Variants in MAP3K5 observed in about 807,000 individuals in gnomAD.
MAP3K5 encodes the protein ASK-1.
In MAP3K5, 56 loss-of-function variants were observed where a neutral mutation model predicts 158.7. That is an observed-to-expected ratio of 0.35 (90% confidence interval 0.28 to 0.44). MAP3K5 has a LOEUF of 0.44. Ranked by LOEUF, MAP3K5 falls within the 20% of genes least tolerant of loss-of-function variation. MAP3K5 has a pLI of 1.00. For missense variants in MAP3K5, 1,294 were observed against 1,674.8 expected, an observed-to-expected ratio of 0.77 and a Z score of 3.97; for synonymous variants, 579 against 601.7, an observed-to-expected ratio of 0.96 and a Z score of 0.55.
chr6:136,694,295 A>G lies in MAP3K5; in HGVS notation c.1098T>C (p.Gly366=). Residue 366 remains glycine, a synonymous_variant, in exon 7 of 30, where the codon GGT becomes GGC. Transcript: ENST00000359015. ...TAATATCAAGAGCTTTTGCTCTGTC[A>G]CCAGGGAGATTTCTCCTAAGGCAGA... ...AFALNRRNLP[G]DRAKALDIMI... is the part of the protein sequence containing the mutation. 1 of 1,611,160 alleles carries G rather than the reference A, an allele frequency of 6.2e-7. No homozygotes were observed. Among genetic ancestry groups the G allele is most frequent in the South Asian group, 1.1e-5 (1 of 90,920 alleles).
chr6:136,705,406 C>A (rs1781029361), intron 2 of MAP3K5, among the ~76,000 whole-genome samples: 1 of 152,110 alleles, frequency 6.6e-6, no homozygotes, highest in African/African-American at 2.4e-5. Flanking sequence ...GTGATCCTCC[C>A]ACCTCAGCCT....
intron 3 of MAP3K5, among the ~76,000 whole-genome samples, chr6:136,699,082 C>A (rs1045168141): frequency 1.3e-5 from 2 of 152,090 alleles, no homozygotes; most frequent in Non-Finnish European, 2.9e-5. Flanking sequence ...GAAGGGCTTC[C>A]TACATGTAAG....
intron 14 of MAP3K5, among the ~76,000 whole-genome samples, chr6:136,629,661 A>G (rs1298503246): frequency 1.2e-4 from 19 of 152,002 alleles, no homozygotes; most frequent in Non-Finnish European, 5.9e-5. Context: ...TCACCTTGTT[A>G]GCCAGGATGG....
intron 15 of MAP3K5, among the ~76,000 whole-genome samples, chr6:136,618,252 C>T (rs1048627227): frequency 6.6e-5 from 10 of 152,196 alleles, no homozygotes; most frequent in African/African-American, 1.7e-4. Flanking sequence ...TTCAACAGAA[C>T]GTCCACACCC....
At chr6:136,626,235 A>AG (rs1777031885) in intron 14 of MAP3K5, among the ~76,000 whole-genome samples, 2 of 152,158 alleles carry the variant, frequency 1.3e-5, no homozygotes, top group South Asian at 4.1e-4. Flanking sequence ...CTTCTGGGGA[A>AG]AATTATGCCT....
At chr6:136,761,043 T>A (rs1412468759) in intron 1 of MAP3K5, among the ~76,000 whole-genome samples, 1 of 151,906 alleles carries the variant, frequency 6.6e-6, no homozygotes, top group South Asian at 2.1e-4. Context: ...TTTTGCCCCA[T>A]GCGATAACAG....
chr6:136,739,279 G>A (rs1426235478), intron 1 of MAP3K5, among the ~76,000 whole-genome samples: 1 of 152,120 alleles, frequency 6.6e-6, no homozygotes, highest in Non-Finnish European at 1.5e-5. Flanking sequence ...GTAGCTGGCT[G>A]GTGTCAGAAT....
In MAP3K5 at chr6:136,675,545, T is replaced by C. The variant is rs1304837934; in HGVS notation, c.1254-6150A>G. 4.6e-5 allele frequency among the ~76,000 whole-genome samples: 7 copies of C among 152,242 alleles called. No homozygotes were observed. The East Asian group carries it at 5.8e-4, about 13-fold the overall frequency. ...AACCCAAAGGTCAAAGAAGAAATCA[T>C]ACTGAAAATTAGAAGGTATTTAAAC... is the stretch of plus-strand genomic sequence containing the variant. On this transcript the variant is annotated intron_variant, in intron 7 of 29. Coordinates refer to ENST00000359015, the MANE Select transcript of MAP3K5 (RefSeq NM_005923.4).
intron 1 of MAP3K5, among the ~76,000 whole-genome samples, chr6:136,741,396 T>A (rs1009520913): frequency 1.3e-5 from 2 of 152,044 alleles, no homozygotes; most frequent in African/African-American, 4.8e-5. Flanking sequence ...GAATTATAGA[T>A]AATGTTTCAA....
intron 1 of MAP3K5, among the ~76,000 whole-genome samples, chr6:136,774,062 A>G (rs1784314655): frequency 6.6e-6 from 1 of 152,118 alleles, no homozygotes; most frequent in African/African-American, 2.4e-5. Context: ...ATTTATTATA[A>G]AATGCCTGGC....
At chr6:136,600,033 G>A (rs1775805717) in intron 21 of MAP3K5, among the ~76,000 whole-genome samples, 1 of 152,082 alleles carries the variant, frequency 6.6e-6, no homozygotes. Context: ...CAATTAACAG[G>A]CCTCTACTCT....
rs756915632 is a variant in MAP3K5 at position 136,791,843 on chromosome 6, C to T, written c.315G>A (p.Leu105=). Residue 105 remains leucine (L), a synonymous_variant, in exon 1 of 30, where the codon CTG becomes CTA. Transcript: ENST00000359015. ...GCAGGGCCTCGCTCTCGGCCACCAC[C>T]AGTTGCCCTTGGCTCGCTTCGTTGA... ...YVINEASQGQ[L]VVAESEALQS... 1 of 1,613,906 alleles carries T rather than the reference C, an allele frequency of 6.2e-7. No individual in the cohort carries two copies. The highest frequency in any genetic ancestry group is 8.5e-7 in the Non-Finnish European group (1 of 1,180,022).
Position 136,557,762 on chromosome 6 carries a change from G to A in MAP3K5, c.4121C>T (p.Thr1374Ile). Residue 1374 changes from threonine to isoleucine, a missense_variant, in exon 30 of 30, where the codon ACT becomes ATT. This residue lies in a region of MAP3K5 where 199 missense variants were observed against 220.3 expected (regional missense o/e 0.90). Coordinates refer to ENST00000359015, the MANE Select transcript of MAP3K5 (RefSeq NM_005923.4). ...GAAGATTAGATTGAGCAACAGTCAA[G>A]TCTGTTTGTTTCGAAAGTCAATGAT... ...KAIIDFRNKQ[T>I] 1 of 1,609,348 alleles carries A rather than the reference G, an allele frequency of 6.2e-7. No homozygotes were observed. The highest frequency in any genetic ancestry group is 8.5e-7 in the Non-Finnish European group (1 of 1,175,754).
At chr6:136,789,274 CACT>C (rs1784971362) in intron 1 of MAP3K5, among the ~76,000 whole-genome samples, 1 of 152,228 alleles carries the variant, frequency 6.6e-6, no homozygotes, top group Non-Finnish European at 1.5e-5. Context: ...CATGCCACTG[CACT>C]CCAGGCTGGG....
At chr6:136,668,765 T>C (rs1260809366) in intron 8 of MAP3K5, among the ~76,000 whole-genome samples, 2 of 152,158 alleles carry the variant, frequency 1.3e-5, no homozygotes, top group African/African-American at 4.8e-5. Flanking sequence ...GATTCAGAGA[T>C]GGTCTGAGGA....
chr6:136,723,081 T>C (rs1299786282), intron 1 of MAP3K5, among the ~76,000 whole-genome samples: 1 of 151,376 alleles, frequency 6.6e-6, no homozygotes, highest in Admixed American at 6.6e-5. Flanking sequence ...GAGAAAATTA[T>C]TATAAATGTG....
intron 14 of MAP3K5, among the ~76,000 whole-genome samples, chr6:136,625,220 C>T (rs1776978058): frequency 6.6e-6 from 1 of 152,138 alleles, no homozygotes; most frequent in Non-Finnish European, 1.5e-5. Context: ...CTACTCAATT[C>T]TGCCATTGTG....
At chr6:136,569,201 C>T (rs1027375328) in intron 25 of MAP3K5, among the ~76,000 whole-genome samples, 3 of 152,154 alleles carry the variant, frequency 2.0e-5, no homozygotes, top group African/African-American at 4.8e-5. Flanking sequence ...AAGTATTTTG[C>T]CCCAAAATAT....
chr6:136,753,058 ACTTTCT>A lies in MAP3K5; in HGVS notation c.449-32475_449-32470del, dbSNP rs149802063. Among the ~76,000 whole-genome samples the A allele has an allele frequency of 2.2e-3, 336 of 152,046 alleles. 9 individuals are homozygous for A. The South Asian group carries it at 0.032, about 14-fold the overall frequency. The stretch of plus-strand genomic sequence containing the variant: ...CTAGCCTACCTCTGTGCCCTCCAAC[ACTTTCT>A]CTTTCCTTCCTGGTACTTATCCCAA... On this transcript the variant is annotated intron_variant, in intron 1 of 29. Transcript: ENST00000359015.
Sources: gnomAD v4.1 joint callset for allele counts (sites outside exome capture counted in the v4.1 genomes callset) on GRCh38, gnomAD v4.1.1 for gene constraint, gnomAD v4.1.1 regional missense constraint, MANE v1.5 for transcripts, NCBI Gene and HGNC (gene_info 2026-07-23, HGNC 2026-07-21) for gene names.